SLC22A24: variants seen among roughly 807,000 people sequenced by gnomAD.
SLC22A24 encodes the protein steroid transmembrane transporter SLC22A24.
A neutral mutation model predicts 49.8 loss-of-function variants in SLC22A24; 53 were observed. The observed-to-expected ratio is 1.06, with a 90% confidence interval of 0.85 to 1.34. The LOEUF (loss-of-function observed/expected upper bound fraction) is 1.34, where lower values mean the gene tolerates loss of function less well. SLC22A24 is among the 40% of genes most tolerant of loss of function. The pLI is 0.00. For missense variants in SLC22A24, 786 were observed against 675.9 expected (o/e 1.16, Z -1.81); for synonymous variants, 302 against 256.4 (o/e 1.18, Z -1.70).
chr11:63,109,655 G>A (rs2087147977), intron 4 of SLC22A24, among the ~76,000 whole-genome samples: 1 of 151,834 alleles, frequency 6.6e-6, no homozygotes, highest in Non-Finnish European at 1.5e-5. Context: ...CTTTTGAGAA[G>A]TGTCTGTTCA....
At chr11:63,140,297 G>T (rs562591291) in intron 1 of SLC22A24, among the ~76,000 whole-genome samples, 37 of 152,064 alleles carry the variant, frequency 2.4e-4, no homozygotes, top group African/African-American at 8.4e-4. Context: ...GGCCAGGATG[G>T]TCTCAATCTC....
At chr11:63,129,263 T>C (rs541593513) in intron 2 of SLC22A24, among the ~76,000 whole-genome samples, 1 of 152,342 alleles carries the variant, frequency 6.6e-6, no homozygotes, top group East Asian at 1.9e-4. Context: ...TTTTGTCAGA[T>C]TTGTGAAAGA....
In SLC22A24 at chr11:63,143,644, T is replaced by G. The variant is rs1189243247; in HGVS notation, c.136A>C (p.Ser46Arg). The G allele has an allele frequency of 6.3e-7, 1 of 1,599,210 alleles. No homozygotes were observed. The highest frequency in any genetic ancestry group is 1.3e-5 in the African/African-American group (1 of 74,222). ...AGGAGGGGGACCCAGCAGCGATGACTAGGGGTGAATGCAGTGAAGTTCTCC... is the reference window on the plus strand; with the variant it reads ...AGGAGGGGGACCCAGCAGCGATGACGAGGGGTGAATGCAGTGAAGTTCTCC... ...VLENFTAFTPSHRCWVPLLDN... is the reference protein window; with the variant it reads ...VLENFTAFTPRHRCWVPLLDN... Residue 46 changes from serine to arginine, a missense_variant, in exon 1 of 10, where the codon AGT (serine) becomes CGT (arginine). Coordinates refer to ENST00000612278, the MANE Select transcript of SLC22A24 (RefSeq NM_001136506.2).
intron 5 of SLC22A24, among the ~76,000 whole-genome samples, chr11:63,102,682 A>C (rs1316250823): frequency 3.9e-5 from 6 of 152,166 alleles, no homozygotes; most frequent in Non-Finnish European, 8.8e-5. Context: ...ATTCAGCTGC[A>C]AACATGTTCT....
chr11:63,087,024 G>GCGTGCACACA (rs376936925), intron 6 of SLC22A24, among the ~76,000 whole-genome samples: 27 of 132,630 alleles, frequency 2.0e-4, no homozygotes, highest in East Asian at 4.5e-4. Flanking sequence ...CCTGGAGGGC[G>GCGTGCACACA]CACACACACA....
intron 5 of SLC22A24, among the ~76,000 whole-genome samples, chr11:63,096,662 C>G (rs2134645459): frequency 6.6e-6 from 1 of 152,172 alleles, no homozygotes; most frequent in East Asian, 1.9e-4. Flanking sequence ...GGGTATATAC[C>G]CAGTAATGGG....
At chr11:63,108,708 G>A (rs917204331) in intron 4 of SLC22A24, among the ~76,000 whole-genome samples, 1 of 151,888 alleles carries the variant, frequency 6.6e-6, no homozygotes, top group Non-Finnish European at 1.5e-5. Flanking sequence ...AGATTTTCTA[G>A]TTTATTTGCA....
chr11:63,087,661 A>G (rs1419471084), intron 6 of SLC22A24, among the ~76,000 whole-genome samples: 1 of 152,234 alleles, frequency 6.6e-6, no homozygotes, highest in Non-Finnish European at 1.5e-5. Flanking sequence ...GAGCCCAGCA[A>G]GCTAAGAACC....
intron 2 of SLC22A24, among the ~76,000 whole-genome samples, chr11:63,130,729 C>A (rs1013358692): frequency 6.6e-6 from 1 of 152,128 alleles, no homozygotes; most frequent in Non-Finnish European, 1.5e-5. Flanking sequence ...AGGAATTTAT[C>A]AATTTCTTCT....
intron 1 of SLC22A24, among the ~76,000 whole-genome samples, chr11:63,140,073 T>A (rs2087403936): frequency 8.7e-6 from 1 of 115,114 alleles, no homozygotes; most frequent in Non-Finnish European, 1.8e-5. Context: ...TTTTGTTTTT[T>A]TGTTTTTTTT....
At chr11:63,092,457 AAG>A (rs559400436) in intron 6 of SLC22A24, among the ~76,000 whole-genome samples, 67 of 137,264 alleles carry the variant, frequency 4.9e-4, no homozygotes, top group African/African-American at 1.6e-3. Context: ...ATCCTAAGGA[AAG>A]AGAATAAAGC....
At chr11:63,125,114 T>TAA (rs72251308) in intron 2 of SLC22A24, among the ~76,000 whole-genome samples, 5 of 151,256 alleles carry the variant, frequency 3.3e-5, no homozygotes, top group African/African-American at 1.2e-4. Context: ...AATACAAAAA[T>TAA]AAAAAAAAAC....
rs1281477193 is a variant in SLC22A24, at chr11:63,143,531, C to G, written c.249G>C (p.Leu83=). The change falls in exon 1 of 10, where the codon CTG becomes CTC. Residue 83 remains leucine, a synonymous_variant. Coordinates refer to ENST00000612278, the MANE Select transcript of SLC22A24 (RefSeq NM_001136506.2). ...TAAAGCGCTGACACTTCTGTGGCCT[C>G]AGGTTTGAGTCCAGTGGGATGGAGA... ...LRISIPLDSN[L]RPQKCQRFIH... 1 of 1,594,298 alleles carries G rather than the reference C, an allele frequency of 6.3e-7. No homozygotes were observed. Among genetic ancestry groups the G allele is most frequent in the South Asian group, 1.1e-5 (1 of 87,592 alleles).
chr11:63,101,459 G>T (rs2087090332), intron 5 of SLC22A24, among the ~76,000 whole-genome samples: 1 of 151,784 alleles, frequency 6.6e-6, no homozygotes, highest in African/African-American at 2.4e-5. Context: ...AATTAATGCT[G>T]ATATTCAATT....
At chr11:63,088,679 A>G (rs145920716) in intron 6 of SLC22A24, among the ~76,000 whole-genome samples, 1 of 152,174 alleles carries the variant, frequency 6.6e-6, no homozygotes, top group African/African-American at 2.4e-5. Context: ...AAGAACCTTG[A>G]TAAAAGGTTG....
chr11:63,128,780 C>A (rs1055070276), intron 2 of SLC22A24, among the ~76,000 whole-genome samples: 1 of 152,190 alleles, frequency 6.6e-6, no homozygotes, highest in African/African-American at 2.4e-5. Context: ...CCTTACCCTG[C>A]CCCCTTGTCT....
intron 4 of SLC22A24, among the ~76,000 whole-genome samples, chr11:63,112,076 C>A (rs1414037615): frequency 6.6e-6 from 1 of 152,004 alleles, no homozygotes; most frequent in Non-Finnish European, 1.5e-5. Context: ...TTTCAAAGAA[C>A]ATCTTTATTT....
intron 2 of SLC22A24, among the ~76,000 whole-genome samples, chr11:63,130,606 G>T (rs1170449171): frequency 1.3e-5 from 2 of 152,084 alleles, no homozygotes; most frequent in Non-Finnish European, 2.9e-5. Context: ...TCTGGTCCTG[G>T]ACTTTTTTTG....
At chr11:63,124,932 A>G (rs1263352251) in intron 2 of SLC22A24, among the ~76,000 whole-genome samples, 1 of 150,820 alleles carries the variant, frequency 6.6e-6, no homozygotes, top group Non-Finnish European at 1.5e-5. Context: ...GAAGGGGAAC[A>G]TCACACTCTG....
Sources: allele counts gnomAD v4.1 joint callset (sites outside exome capture counted in the v4.1 genomes callset), GRCh38; gene constraint gnomAD v4.1.1; transcripts MANE v1.5; gene names NCBI Gene and HGNC (gene_info 2026-07-23, HGNC 2026-07-21).